The following CNTNAP2 variants were observed in gnomAD, a reference collection of about 807,000 sequenced individuals.
The protein encoded by CNTNAP2 is contactin-associated protein-like 2.
CNTNAP2 carries 98 observed loss-of-function variants against 155.2 expected under a neutral mutation model. The observed-to-expected ratio is 0.63, with a 90% CI of 0.54 to 0.75. The LOEUF is 0.75. Ranked by LOEUF, CNTNAP2 falls within the 30% of genes least tolerant of loss-of-function variation. The pLI is 0.00. For missense variants in CNTNAP2, 1,727 were observed against 1,688.1 expected (o/e 1.02, Z -0.40); for synonymous variants, 651 against 631.2 (o/e 1.03, Z -0.47).
intron 1 of CNTNAP2, among the ~76,000 whole-genome samples, chr7:146,550,763 T>A (rs1798110258): frequency 6.6e-6 from 1 of 152,050 alleles, no homozygotes; most frequent in Admixed American, 6.6e-5. Flanking sequence ...AGAGCCTGTA[T>A]ATAGAAGGTA....
At chr7:146,150,360 G>T (rs1209807306) in intron 1 of CNTNAP2, among the ~76,000 whole-genome samples, 2 of 151,968 alleles carry the variant, frequency 1.3e-5, no homozygotes, top group Non-Finnish European at 2.9e-5. Context: ...ACAAAGTTGA[G>T]CATATAGTCA....
chr7:148,343,428 A>G (rs1798269447), intron 21 of CNTNAP2, among the ~76,000 whole-genome samples: 1 of 152,202 alleles, frequency 6.6e-6, no homozygotes, highest in African/African-American at 2.4e-5. Flanking sequence ...CATCTTCAGT[A>G]CAGGACTGGG....
intron 1 of CNTNAP2, among the ~76,000 whole-genome samples, chr7:146,435,802 T>A (rs1796235141): frequency 6.6e-6 from 1 of 152,204 alleles, no homozygotes; most frequent in Admixed American, 6.5e-5. Context: ...CAACAAGATA[T>A]GATCATGCTA....
At chr7:147,460,720 A>G (rs1798007410) in intron 10 of CNTNAP2, among the ~76,000 whole-genome samples, 1 of 152,228 alleles carries the variant, frequency 6.6e-6, no homozygotes, top group Non-Finnish European at 1.5e-5. Flanking sequence ...TTTCATTTAA[A>G]GGAAATTGGT....
At chr7:147,407,425 G>A (rs1424719409) in intron 10 of CNTNAP2, among the ~76,000 whole-genome samples, 14 of 125,850 alleles carry the variant, frequency 1.1e-4, no homozygotes, top group African/African-American at 3.6e-4. Context: ...CCGAGATCAT[G>A]CCACTGCACT....
intron 12 of CNTNAP2, among the ~76,000 whole-genome samples, chr7:147,623,126 C>T (rs961110335): frequency 6.6e-6 from 1 of 151,878 alleles, no homozygotes; most frequent in Non-Finnish European, 1.5e-5. Context: ...ATAATAAGAA[C>T]TCTGTCAATA....
intron 1 of CNTNAP2, among the ~76,000 whole-genome samples, chr7:146,518,044 C>G (rs1797566447): frequency 6.6e-6 from 1 of 151,798 alleles, no homozygotes. Flanking sequence ...AGGTGGTACC[C>G]TGGCTGTACT....
At chr7:146,567,911 G>A (rs1798383551) in intron 1 of CNTNAP2, among the ~76,000 whole-genome samples, 1 of 152,070 alleles carries the variant, frequency 6.6e-6, no homozygotes. Flanking sequence ...TAGTAGAGAC[G>A]GGGTTTCACT....
intron 13 of CNTNAP2, among the ~76,000 whole-genome samples, chr7:147,720,149 C>G (rs906042677): frequency 6.6e-6 from 1 of 152,082 alleles, no homozygotes; most frequent in Admixed American, 6.6e-5. Context: ...CACACATGTT[C>G]CTTTTGTCTA....
At chr7:146,968,313 T>C (rs1797703179) in intron 3 of CNTNAP2, among the ~76,000 whole-genome samples, 1 of 152,162 alleles carries the variant, frequency 6.6e-6, no homozygotes, top group Non-Finnish European at 1.5e-5. Context: ...ATCAGGATAA[T>C]GCTGGCCTCA....
chr7:147,661,847 G>C (rs1795616224), intron 13 of CNTNAP2, among the ~76,000 whole-genome samples: 1 of 152,110 alleles, frequency 6.6e-6, no homozygotes, highest in African/African-American at 2.4e-5. Context: ...CACGGCGCCT[G>C]GCCCATTGCT....
intron 3 of CNTNAP2, among the ~76,000 whole-genome samples, chr7:146,884,913 C>T (rs1795626301): frequency 6.6e-6 from 1 of 152,096 alleles, no homozygotes. Flanking sequence ...ATTTTTACAG[C>T]TCTCAATGTC....
chr7:147,511,785 G>T lies in CNTNAP2; in HGVS notation c.1777+25744G>T, dbSNP rs1181183297. ...ACAAACCACTATAGTAGCCACCAGA[G>T]AACTTTGTATTTCTTATGTCCATTC... is the stretch of plus-strand genomic sequence containing the variant. On this transcript the variant is annotated intron_variant, in intron 11 of 23. Coordinates refer to ENST00000361727, the MANE Select transcript of CNTNAP2 (RefSeq NM_014141.6). Among the ~76,000 whole-genome samples, 5 of 152,110 alleles carry T rather than the reference G, an allele frequency of 3.3e-5. No homozygotes were observed. The East Asian group carries it at 9.7e-4, about 29-fold the overall frequency.
At chr7:146,945,506 G>A (rs1275221352) in intron 3 of CNTNAP2, among the ~76,000 whole-genome samples, 3 of 152,152 alleles carry the variant, frequency 2.0e-5, no homozygotes, top group African/African-American at 7.2e-5. Context: ...GAGAAGGGGA[G>A]GAGGAAAAAG....
intron 13 of CNTNAP2, among the ~76,000 whole-genome samples, chr7:147,670,373 G>T (rs1348885791): frequency 2.6e-5 from 4 of 152,122 alleles, no homozygotes; most frequent in Non-Finnish European, 5.9e-5. Flanking sequence ...GGCAGAAAAG[G>T]GTGGATCCCC....
intron 10 of CNTNAP2, among the ~76,000 whole-genome samples, chr7:147,421,858 T>C (rs968855127): frequency 6.6e-6 from 1 of 151,938 alleles, no homozygotes; most frequent in African/African-American, 2.4e-5. Flanking sequence ...CCCTCAACTC[T>C]CTCTCCTGCT....
chr7:147,460,978 G>T (rs1426355366), intron 10 of CNTNAP2, among the ~76,000 whole-genome samples: 1 of 152,012 alleles, frequency 6.6e-6, no homozygotes, highest in Non-Finnish European at 1.5e-5. Flanking sequence ...TGGAGAAGAA[G>T]TTGTGTCGTG....
intron 21 of CNTNAP2, among the ~76,000 whole-genome samples, chr7:148,294,396 A>C (rs1182456288): frequency 6.6e-6 from 1 of 152,246 alleles, no homozygotes; most frequent in African/African-American, 2.4e-5. Context: ...TGTACGGCTA[A>C]CTTAAGAAAT....
intron 14 of CNTNAP2, among the ~76,000 whole-genome samples, chr7:147,935,546 GA>G (rs1313395076): frequency 6.6e-6 from 1 of 152,106 alleles, no homozygotes; most frequent in Non-Finnish European, 1.5e-5. Flanking sequence ...TTTTATAACT[GA>G]AATTGTTTAC....
Sources: gnomAD v4.1 joint callset for allele counts (sites outside exome capture counted in the v4.1 genomes callset) on GRCh38, gnomAD v4.1.1 for gene constraint, MANE v1.5 for transcripts, NCBI Gene and HGNC (gene_info 2026-07-23, HGNC 2026-07-21) for gene names.